DRC1: variants seen among roughly 807,000 people sequenced by gnomAD.
DRC1 encodes dynein regulatory complex protein 1.
Under a neutral mutation model 98.7 loss-of-function variants are expected in DRC1, and 74 were observed. The ratio of observed to expected loss-of-function variants is 0.75; its 90% CI spans 0.62 to 0.91. The LOEUF (loss-of-function observed/expected upper bound fraction) is 0.91, where lower values mean the gene tolerates loss of function less well. Among genes scored for constraint, DRC1 ranks in the 40% least tolerant of loss-of-function variants. DRC1 has a pLI of 0.00. For synonymous variants in DRC1, 336 were observed against 334.1 expected, an observed-to-expected ratio of 1.01 and a Z score of -0.06; for missense variants, 875 against 886.0, an observed-to-expected ratio of 0.99 and a Z score of 0.16.
chr2:26,438,083 A>C (rs1663619768), intron 7 of DRC1, among the ~76,000 whole-genome samples: 1 of 131,626 alleles, frequency 7.6e-6, no homozygotes, highest in African/African-American at 3.3e-5. Context: ...GAAAGACTCT[A>C]TCTCAAAAAA....
Position 26,455,169 on chromosome 2 carries a change from A to G in DRC1, c.2102A>G (p.Asn701Ser), listed in dbSNP as rs1463332900. 6.2e-7 allele frequency: 1 copy of G among 1,614,062 alleles called. No homozygotes were observed. Among genetic ancestry groups the G allele is most frequent in the Non-Finnish European group, 8.5e-7 (1 of 1,180,024 alleles). The change falls in exon 16 of 17, where the codon AAC becomes AGC. Residue 701 changes from asparagine (N) to serine (S), a missense_variant. Transcript: ENST00000288710. ...CAGAGGGCCAAGCTGCTGCTGGAAA[A>G]CAGTTCTCTGGAGCAGCAGAACACA... Reference protein sequence around the residue: ...LTQRAKLLLENSSLEQQNTEL... With the variant: ...LTQRAKLLLESSSLEQQNTEL...
At chr2:26,403,333 T>C (rs1192931223) in intron 1 of DRC1, among the ~76,000 whole-genome samples, 1 of 152,194 alleles carries the variant, frequency 6.6e-6, no homozygotes, top group Non-Finnish European at 1.5e-5. Context: ...TTGTACATCC[T>C]ATGGGTTTGG....
chr2:26,407,434 C>T (rs751107116), intron 1 of DRC1, among the ~76,000 whole-genome samples: 25 of 152,094 alleles, frequency 1.6e-4, no homozygotes, highest in South Asian at 4.2e-4. Context: ...CATATTCATC[C>T]GTGAGGATTT....
In DRC1 at chr2:26,454,582, G is replaced by A. The variant is rs1450034158; in HGVS notation, c.1920-65G>A. On this transcript the variant is annotated intron_variant, in intron 14 of 16. Coordinates refer to ENST00000288710, the MANE Select transcript of DRC1 (RefSeq NM_145038.5). This position sits in a 1 kb window ranked among gnomAD's most constrained non-coding sequence, Gnocchi z 5.2. ...GTGGGAAAGCAGTAGGCCTGTGACT[G>A]GCACTGCCTGGGGGCCTGGGTAGTA... 3 of 1,590,366 alleles carry A rather than the reference G, an allele frequency of 1.9e-6. No homozygotes were observed. The African/African-American group carries it at 4.0e-5, about 21-fold the overall frequency.
rs1316338797 is a variant in DRC1 at position 26,402,092 on chromosome 2, C to A, written c.103C>A (p.Arg35Ser). The change falls in exon 1 of 17, where the codon CGC becomes AGC. Residue 35 changes from arginine (R) to serine (S), a missense_variant. Arg to Ser is a moderately radical substitution (Grantham distance 110). Coordinates refer to ENST00000288710, the MANE Select transcript of DRC1 (RefSeq NM_145038.5). ...GGTCCACTCCGACAACTCTCAGGAG[C>A]GCATCCAGGCCCGGCGCCTCCGCAT... ...PSVHSDNSQE[R>S]IQARRLRIAA... The A allele has an allele frequency of 2.5e-6, 4 of 1,612,574 alleles. No individual in the cohort carries two copies. Among genetic ancestry groups the A allele is most frequent in the Admixed American group, 1.7e-5 (1 of 59,976 alleles).
At chr2:26,447,097 TAA>T (rs1271072915) in intron 10 of DRC1, among the ~76,000 whole-genome samples, 1 of 146,636 alleles carries the variant, frequency 6.8e-6, no homozygotes, top group Middle Eastern at 3.5e-3. Context: ...CTCAAAAAAA[TAA>T]AAAATAATAA....
rs1438939357 is a variant in DRC1 at position 26,450,201 on chromosome 2, G to C, written c.1599+116G>C. On this transcript the variant is annotated intron_variant, in intron 12 of 16. Transcript: ENST00000288710. The stretch of plus-strand genomic sequence containing the variant: ...ACGAGGGTCTCCCGGGGCTTCCCCT[G>C]CTCCCTGTCACATCCTTCCCTTAAC... 59 of 936,792 alleles carry C rather than the reference G, an allele frequency of 6.3e-5. No individual in the cohort carries two copies. In the South Asian group the frequency reaches 8.8e-4, roughly 14 times the overall value. 58.0% of individuals were successfully genotyped at this position (936,792 alleles called of 1,614,324 possible).
At chr2:26,413,422 G>A (rs891118587) in intron 1 of DRC1, among the ~76,000 whole-genome samples, 6 of 152,160 alleles carry the variant, frequency 3.9e-5, no homozygotes, top group African/African-American at 1.2e-4. Context: ...AAATCTTGCC[G>A]AATTGCCTTT....
chr2:26,447,308 G>A (rs1283346934), intron 10 of DRC1, among the ~76,000 whole-genome samples: 2 of 151,720 alleles, frequency 1.3e-5, no homozygotes, highest in African/African-American at 4.8e-5. Flanking sequence ...AGCTACTCAG[G>A]AGGCTGAGGC....
At chr2:26,423,888 G>A (rs1663213530) in intron 3 of DRC1, among the ~76,000 whole-genome samples, 1 of 152,202 alleles carries the variant, frequency 6.6e-6, no homozygotes, top group African/African-American at 2.4e-5. Context: ...AGTCAGTTAG[G>A]AGCCAAGTCA....
chr2:26,435,720 A>G (rs1663551732), intron 7 of DRC1, among the ~76,000 whole-genome samples: 1 of 150,338 alleles, frequency 6.7e-6, no homozygotes, highest in Non-Finnish European at 1.5e-5. Flanking sequence ...TCCAGCTCCA[A>G]TTATGTTGCT....
chr2:26,430,297 C>T (rs1663398215), intron 5 of DRC1, among the ~76,000 whole-genome samples: 1 of 152,080 alleles, frequency 6.6e-6, no homozygotes, highest in African/African-American at 2.4e-5. Flanking sequence ...TGAGATTTAG[C>T]CCTTTCCAAG....
At position 26,407,231 on chromosome 2, in the gene DRC1, C is replaced by T. The variant is rs78881683; in HGVS notation, c.155+5087C>T. On this transcript the variant is annotated intron_variant, in intron 1 of 16. Transcript: ENST00000288710. ...ATTTAAGGGGATTAAGTAAAAAAGA[C>T]GCAAATCCACAAAGTCAAGATCAGG... 1.6e-3 allele frequency among the ~76,000 whole-genome samples: 242 copies of T among 152,078 alleles called. 6 individuals carry two copies. In the East Asian group the frequency reaches 0.034, roughly 21 times the overall value.
chr2:26,439,297 C>T lies in DRC1; in HGVS notation c.889-1081C>T, dbSNP rs371122012. On this transcript the variant is annotated intron_variant, in intron 7 of 16. Transcript: ENST00000288710. Reference sequence around the variant, plus strand: ...TCTTCCAGGGATCCCTTCCCTGGTCCCTCAAGACCAAGGACAGTGCTCCTC... The same window carrying T: ...TCTTCCAGGGATCCCTTCCCTGGTCTCTCAAGACCAAGGACAGTGCTCCTC... Among the ~76,000 whole-genome samples the T allele has an allele frequency of 5.3e-5, 8 of 152,216 alleles. No homozygotes were observed. The East Asian group carries it at 1.5e-3, about 29-fold the overall frequency.
intron 7 of DRC1, among the ~76,000 whole-genome samples, chr2:26,437,782 A>G (rs893237476): frequency 6.6e-6 from 1 of 152,078 alleles, no homozygotes; most frequent in African/African-American, 2.4e-5. Flanking sequence ...AACATATTAA[A>G]TATTTCATAT....
chr2:26,450,453 TCA>T (rs1663972186), intron 12 of DRC1, 137 bp from the exon 13 acceptor site: 5 of 716,608 alleles, frequency 7.0e-6, no homozygotes, highest in Non-Finnish European at 1.2e-5. Context: ...GTCCCCAAGT[TCA>T]CAGTCGCTTC....
At chr2:26,424,111 G>A (rs1272786212) in intron 3 of DRC1, among the ~76,000 whole-genome samples, 160 bp from the exon 4 acceptor site, 11 of 152,136 alleles carry the variant, frequency 7.2e-5, no homozygotes, top group Non-Finnish European at 1.3e-4. Context: ...AGCGTTAAAC[G>A]AAAAGATTTC....
intron 7 of DRC1, among the ~76,000 whole-genome samples, chr2:26,437,974 C>A (rs990474230): frequency 6.6e-6 from 1 of 151,152 alleles, no homozygotes; most frequent in Non-Finnish European, 1.5e-5. Flanking sequence ...CACCTGTAAT[C>A]CCAGCTATTT....
chr2:26,450,029 C>A lies in DRC1; in HGVS notation c.1543C>A (p.Leu515Ile). 6.2e-7 allele frequency: 1 copy of A among 1,613,908 alleles called. No individual in the cohort carries two copies. The highest frequency in any genetic ancestry group is 8.5e-7 in the Non-Finnish European group (1 of 1,179,978). The change falls in exon 12 of 17, where the codon CTC (leucine) becomes ATC (isoleucine). Residue 515 changes from leucine (L) to isoleucine (I), a missense_variant. Leu to Ile is a conservative substitution (Grantham distance 5). Coordinates refer to ENST00000288710, the MANE Select transcript of DRC1 (RefSeq NM_145038.5). ...FLIESKLLSL[L>I]LPLEQNECYL... ...CATAGAGAGCAAGCTGCTGAGCCTT[C>A]TCCTGCCCCTGGAGCAGAATGAATG...
Sources: gnomAD v4.1 joint callset for allele counts (sites outside exome capture counted in the v4.1 genomes callset) on GRCh38, gnomAD v4.1.1 for gene constraint, Gnocchi (gnomAD v3.1) non-coding constraint, MANE v1.5 for transcripts, NCBI Gene and HGNC (gene_info 2026-07-23, HGNC 2026-07-21) for gene names.